SH2B3: variants seen among roughly 807,000 people sequenced by gnomAD.
SH2B3 encodes SH2B adapter protein 3.
Under a neutral mutation model 51.9 loss-of-function variants are expected in SH2B3, and 43 were observed. The ratio of observed to expected loss-of-function variants is 0.83; its 90% confidence interval spans 0.65 to 1.07. SH2B3 has a LOEUF of 1.07. Among genes scored for constraint, SH2B3 ranks in the 50% least tolerant of loss-of-function variants. SH2B3 has a pLI of 0.00. For synonymous variants in SH2B3, 396 were observed against 376.0 expected (o/e 1.05, Z -0.62); for missense variants, 952 against 834.3 (o/e 1.14, Z -1.74).
chr12:111,423,632 A>G lies in SH2B3; in HGVS notation c.732+4755A>G, dbSNP rs146460415. ...TTATCTGCCCGCCTCAGCCTCCCAA[A>G]GTGCCGGGATTACAGGCGTGAGCCA... is the stretch of plus-strand genomic sequence containing the variant. On this transcript the variant is annotated intron_variant, in intron 2 of 7. Transcript: ENST00000341259. Among the ~76,000 whole-genome samples the G allele has an allele frequency of 0.037, 5,602 of 152,182 alleles. 971 individuals are homozygous for G. In the East Asian group the frequency reaches 0.57, roughly 15 times the overall value.
At chr12:111,430,874 CCTCCCCGGGATGGGCAGCAGCCTGGCTG>C (rs1423338051) in intron 2 of SH2B3, among the ~76,000 whole-genome samples, 1 of 152,156 alleles carries the variant, frequency 6.6e-6, no homozygotes, top group Non-Finnish European at 1.5e-5. Context: ...CCCCAGGGTC[CCTCCCCGGGATGGGCAGCAGCCTGGCTG>C]CTCCCCACAG....
chr12:111,408,256 T>C (rs773074821), intron 1 of SH2B3, among the ~76,000 whole-genome samples: 14 of 152,134 alleles, frequency 9.2e-5, no homozygotes, highest in African/African-American at 1.4e-4. Flanking sequence ...TAATAGTACC[T>C]ACTTCCTAGA....
At chr12:111,444,346 G>A (rs1158982663) in intron 2 of SH2B3, among the ~76,000 whole-genome samples, 1 of 152,220 alleles carries the variant, frequency 6.6e-6, no homozygotes, top group African/African-American at 2.4e-5. Flanking sequence ...AGCAGCCAGA[G>A]CAAAGAAAGA....
chr12:111,414,693 G>T (rs991405028), intron 1 of SH2B3, among the ~76,000 whole-genome samples: 1 of 152,136 alleles, frequency 6.6e-6, no homozygotes, highest in African/African-American at 2.4e-5. Flanking sequence ...CGGCTGTGGG[G>T]GTTCCACCAT....
rs531150796 is a variant in SH2B3, at chr12:111,409,783, C to T, written c.-28+3506C>T. 6.6e-6 allele frequency among the ~76,000 whole-genome samples: 1 copy of T among 152,200 alleles called. No homozygotes were observed. The highest frequency in any genetic ancestry group is 6.5e-5 in the Admixed American group (1 of 15,284). On this transcript the variant is annotated intron_variant, in intron 1 of 7. Coordinates refer to ENST00000341259, the MANE Select transcript of SH2B3 (RefSeq NM_005475.3). The surrounding 1 kb of genome is among the most constrained non-coding windows in gnomAD (Gnocchi z 4.0). ...CAATGGGGCCCTGCTGCCGGGGTGACAAGCATCCCTCTACCAGGGCTCCAG... is the reference window on the plus strand; with the variant it reads ...CAATGGGGCCCTGCTGCCGGGGTGATAAGCATCCCTCTACCAGGGCTCCAG...
rs1470854656 is a variant in SH2B3 at position 111,410,398 on chromosome 12, C to G, written c.-28+4121C>G. Among the ~76,000 whole-genome samples, 1 of 152,072 alleles carries G rather than the reference C, an allele frequency of 6.6e-6. No homozygotes were observed. Among genetic ancestry groups the G allele is most frequent in the Non-Finnish European group, 1.5e-5 (1 of 67,948 alleles). ...GGGGAGGAGGTTCACCCACAGGCTGCCCTCCTAGGGTCTCCCCTGTCTGCC... is the reference window on the plus strand; with the variant it reads ...GGGGAGGAGGTTCACCCACAGGCTGGCCTCCTAGGGTCTCCCCTGTCTGCC... On this transcript the variant is annotated intron_variant, in intron 1 of 7. Transcript: ENST00000341259. This position sits in a 1 kb window ranked among gnomAD's most constrained non-coding sequence, Gnocchi z 4.9.
At chr12:111,432,208 C>T (rs777937798) in intron 2 of SH2B3, among the ~76,000 whole-genome samples, 24 of 151,820 alleles carry the variant, frequency 1.6e-4, no homozygotes, top group Non-Finnish European at 7.4e-5. Flanking sequence ...TGTGCCACCA[C>T]GCCCGGCTAA....
Position 111,449,308 on chromosome 12 carries a change from GGCTGGCTTGGTGCCCTCCAA to G in SH2B3, c.*1009_*1028del, listed in dbSNP as rs1565994143. 1 of 152,212 alleles carries G rather than the reference GGCTGGCTTGGTGCCCTCCAA, an allele frequency of 6.6e-6. No individual in the cohort carries two copies. Among genetic ancestry groups the G allele is most frequent in the Non-Finnish European group, 1.5e-5 (1 of 68,024 alleles). The allele number at this position is 152,212 out of a possible 1,614,324, so 9.4% of individuals were successfully genotyped here. A position where few individuals can be genotyped will look rare whatever the true frequency, so the allele number is the denominator to read the frequency against. On this transcript the variant is annotated 3_prime_UTR_variant, in exon 8 of 8. Coordinates refer to ENST00000341259, the MANE Select transcript of SH2B3 (RefSeq NM_005475.3). ...TTTCTAGTAAATCCTTCAGCAACAA[GGCTGGCTTGGTGCCCTCCAA>G]GCATCTAATGGCTTATTAAATTATC...
At chr12:111,440,202 C>T (rs570288145) in intron 2 of SH2B3, among the ~76,000 whole-genome samples, 1 of 152,318 alleles carries the variant, frequency 6.6e-6, no homozygotes, top group Admixed American at 6.5e-5. Context: ...TGTTCCCTCC[C>T]CCTTGGAGGT....
At chr12:111,446,908 G>A in intron 3 of SH2B3, 34 bp from the exon 4 acceptor site, 1 of 1,606,488 alleles carries the variant, frequency 6.2e-7, no homozygotes, top group Non-Finnish European at 8.5e-7. Context: ...TACACATACA[G>A]CAGACCCAAC....
Position 111,416,481 on chromosome 12 carries a change from G to GT in SH2B3, c.-27-1628dup, listed in dbSNP as rs11323611. 6.0e-3 allele frequency among the ~76,000 whole-genome samples: 895 copies of GT among 149,162 alleles called. 6 individuals are homozygous for GT. The highest frequency in any genetic ancestry group is 0.019 in the African/African-American group (793 of 40,778). On this transcript the variant is annotated intron_variant, in intron 1 of 7. Transcript: ENST00000341259. ...TCCCATAACTAATAAGTTGTTGCTGGTTTTTTTTTTGTTTTTTTGTTTTTT... is the reference window on the plus strand; with the variant it reads ...TCCCATAACTAATAAGTTGTTGCTGGTTTTTTTTTTTGTTTTTTTGTTTTTT...
Position 111,405,946 on chromosome 12 carries a change from G to A in SH2B3, c.-359G>A, listed in dbSNP as rs1050529780. 6.6e-6 allele frequency: 1 copy of A among 151,660 alleles called. No homozygotes were observed. The highest frequency in any genetic ancestry group is 2.4e-5 in the African/African-American group (1 of 41,378). The allele number at this position is 151,660 out of a possible 1,614,324, so 9.4% of individuals were successfully genotyped here. ...TTACATAACGGCGCGGGGCGGCATGGGCCCGGGCCACCGCCTCCGCCCGGC... is the reference window on the plus strand; with the variant it reads ...TTACATAACGGCGCGGGGCGGCATGAGCCCGGGCCACCGCCTCCGCCCGGC... On this transcript the variant is annotated 5_prime_UTR_variant, in exon 1 of 8. Transcript: ENST00000341259. This position sits in a 1 kb window ranked among gnomAD's most constrained non-coding sequence, Gnocchi z 5.4.
chr12:111,418,233 T>G lies in SH2B3; in HGVS notation c.88T>G (p.Cys30Gly), dbSNP rs1421115167. Residue 30 changes from cysteine to glycine, a missense_variant, in exon 2 of 8, where the codon TGT becomes GGT. Coordinates refer to ENST00000341259, the MANE Select transcript of SH2B3 (RefSeq NM_005475.3). This position sits in a 1 kb window ranked among gnomAD's most constrained non-coding sequence, Gnocchi z 6.7. ...AAAPRGWSEF[C>G]ELHAVAAARE... ...GGCCCCGCGGGGCTGGAGCGAGTTC[T>G]GTGAGTTGCACGCCGTAGCGGCGGC... is the stretch of plus-strand genomic sequence containing the variant. The G allele has an allele frequency of 6.3e-7, 1 of 1,578,412 alleles. No individual in the cohort carries two copies. The highest frequency in any genetic ancestry group is 2.3e-5 in the East Asian group (1 of 43,354).
upstream of SH2B3, among the ~76,000 whole-genome samples, chr12:111,405,353 T>C (rs1361070067): frequency 2.0e-5 from 3 of 152,102 alleles, no homozygotes; most frequent in Non-Finnish European, 4.4e-5. The surrounding 1 kb of genome is among the most constrained non-coding windows in gnomAD (Gnocchi z 5.4). Context: ...GTCAGCATGA[T>C]CGCAGATAGT....
In SH2B3 at chr12:111,410,794, T is replaced by C; in HGVS notation, c.-28+4517T>C. ...TCTCTGCGTCTGGCAACTTGAATGC[T>C]GTGAAAGGGCAGCAGGCCGCCTGCC... On this transcript the variant is annotated intron_variant, in intron 1 of 7. Transcript: ENST00000341259. The surrounding 1 kb of genome is among the most constrained non-coding windows in gnomAD (Gnocchi z 4.9). Among the ~76,000 whole-genome samples, 1 of 152,348 alleles carries C rather than the reference T, an allele frequency of 6.6e-6. No individual in the cohort carries two copies. Among genetic ancestry groups the C allele is most frequent in the East Asian group, 1.9e-4 (1 of 5,188 alleles).
intron 2 of SH2B3, among the ~76,000 whole-genome samples, chr12:111,442,465 T>C (rs1235822254): frequency 1.3e-5 from 2 of 152,186 alleles, no homozygotes; most frequent in East Asian, 3.9e-4. Flanking sequence ...GTCCCACTGC[T>C]GCTGTACACC....
chr12:111,426,676 TG>T (rs1373483343), intron 2 of SH2B3, among the ~76,000 whole-genome samples: 1 of 152,132 alleles, frequency 6.6e-6, no homozygotes, highest in Non-Finnish European at 1.5e-5. Context: ...CACCTTTCTT[TG>T]GGGTGTTGTT....
At chr12:111,415,260 G>A (rs1870994587) in intron 1 of SH2B3, among the ~76,000 whole-genome samples, 1 of 152,226 alleles carries the variant, frequency 6.6e-6, no homozygotes, top group African/African-American at 2.4e-5. Context: ...AGTAGGGAGA[G>A]CATTTCTTCT....
At position 111,435,740 on chromosome 12, in the gene SH2B3, G is replaced by A. The variant is rs933832922; in HGVS notation, c.733-11013G>A. Among the ~76,000 whole-genome samples the A allele has an allele frequency of 1.3e-5, 2 of 152,190 alleles. No homozygotes were observed. Among genetic ancestry groups the A allele is most frequent in the Non-Finnish European group, 2.9e-5 (2 of 68,038 alleles). On this transcript the variant is annotated intron_variant, in intron 2 of 7. Transcript: ENST00000341259. The surrounding 1 kb of genome is among the most constrained non-coding windows in gnomAD (Gnocchi z 4.8). ...TGGAGGCCAGCACAGCCTGGCACTC[G>A]TGGTTTGGGGCGTCCATGGCCTTGT... is the stretch of plus-strand genomic sequence containing the variant.
Sources: allele counts gnomAD v4.1 joint callset (sites outside exome capture counted in the v4.1 genomes callset), GRCh38; gene constraint gnomAD v4.1.1; non-coding constraint Gnocchi (gnomAD v3.1); transcripts MANE v1.5; gene names NCBI Gene and HGNC (gene_info 2026-07-23, HGNC 2026-07-21).